Variants in SNRNP48 observed in about 807,000 individuals in gnomAD.
SNRNP48 encodes the protein U11/U12 small nuclear ribonucleoprotein 48 kDa protein.
Under a neutral mutation model 47.0 loss-of-function variants are expected in SNRNP48, and 43 were observed. The ratio of observed to expected loss-of-function variants is 0.92; its 90% confidence interval spans 0.72 to 1.18. The LOEUF (loss-of-function observed/expected upper bound fraction) is 1.18. Among genes scored for constraint, SNRNP48 ranks in the 50% most tolerant of loss-of-function variants. The pLI is 0.00. For missense variants in SNRNP48, 396 were observed against 422.2 expected (o/e 0.94, Z 0.54); for synonymous variants, 138 against 144.0 (o/e 0.96, Z 0.30).
In SNRNP48 at chr6:7,590,253, C is replaced by T. The variant is rs1209651661; in HGVS notation, c.-5C>T. On this transcript the variant is annotated 5_prime_UTR_variant, in exon 1 of 9. Coordinates refer to ENST00000342415, the MANE Select transcript of SNRNP48 (RefSeq NM_152551.4). ...CCGCTTCCTCTTGGCGGGTGGGCTG[C>T]AGCTATGGAGGGCGAGCCTCCACCT... 12 of 1,313,760 alleles carry T rather than the reference C, an allele frequency of 9.1e-6. 1 individual carries two copies. Among genetic ancestry groups the T allele is most frequent in the South Asian group, 5.2e-5 (2 of 38,358 alleles). 81.4% of individuals were successfully genotyped at this position (1,313,760 alleles called of 1,614,324 possible). A position where few individuals can be genotyped will look rare whatever the true frequency, so the allele number is the denominator to read the frequency against.
At chr6:7,606,342 T>A in intron 8 of SNRNP48, 147 bp downstream of exon 8, 2 of 794,170 alleles carry the variant, frequency 2.5e-6, no homozygotes, top group Non-Finnish European at 3.9e-6. Flanking sequence ...ATTCTTAACA[T>A]TCATTATAGT....
intron 8 of SNRNP48, among the ~76,000 whole-genome samples, chr6:7,608,246 G>A (rs183575270): frequency 6.6e-6 from 1 of 151,994 alleles, no homozygotes; most frequent in Admixed American, 6.5e-5. Context: ...GAGTATGTAT[G>A]AAAAATGCAT....
At chr6:7,600,128 CT>C (rs1276864836) in intron 4 of SNRNP48, 1 of 992,746 alleles carries the variant, frequency 1.0e-6, no homozygotes, top group Non-Finnish European at 1.2e-6. Context: ...AAAGGGAACC[CT>C]TTTTTCCCCA....
At position 7,611,925 on chromosome 6, in the gene SNRNP48, T is replaced by C. The variant is rs1760244901; in HGVS notation, c.*3052T>C. The C allele has an allele frequency of 6.6e-6, 1 of 152,234 alleles. No homozygotes were observed. Among genetic ancestry groups the C allele is most frequent in the African/African-American group, 2.4e-5 (1 of 41,466 alleles). The allele number at this position is 152,234 out of a possible 1,614,324, so 9.4% of individuals were successfully genotyped here. ...CTTTTTCATTTGCTATAATTGATCCTGCAGGTGTGTGAATTATTAAACTAA... is the reference window on the plus strand; with the variant it reads ...CTTTTTCATTTGCTATAATTGATCCCGCAGGTGTGTGAATTATTAAACTAA... On this transcript the variant is annotated 3_prime_UTR_variant, in exon 9 of 9. Coordinates refer to ENST00000342415, the MANE Select transcript of SNRNP48 (RefSeq NM_152551.4).
Position 7,610,961 on chromosome 6 carries a change from G to A in SNRNP48, c.*2088G>A, listed in dbSNP as rs1363852274. The A allele has an allele frequency of 6.6e-6, 1 of 152,206 alleles. No homozygotes were observed. Among genetic ancestry groups the A allele is most frequent in the Non-Finnish European group, 1.5e-5 (1 of 68,048 alleles). 9.4% of individuals were successfully genotyped at this position (152,206 alleles called of 1,614,324 possible). A position where few individuals can be genotyped will look rare whatever the true frequency, so the allele number is the denominator to read the frequency against. ...AAATTTTGACAAAAGCATTTTCACAGCCCTGCCACATAAGATCTAGTTTTT... is the reference window on the plus strand; with the variant it reads ...AAATTTTGACAAAAGCATTTTCACAACCCTGCCACATAAGATCTAGTTTTT... On this transcript the variant is annotated 3_prime_UTR_variant, in exon 9 of 9. Coordinates refer to ENST00000342415, the MANE Select transcript of SNRNP48 (RefSeq NM_152551.4).
At chr6:7,599,225 A>G (rs1218471641) in intron 4 of SNRNP48, among the ~76,000 whole-genome samples, 3 of 152,180 alleles carry the variant, frequency 2.0e-5, no homozygotes, top group South Asian at 2.1e-4. Context: ...GTACTATTTA[A>G]TGTTGAATGT....
At chr6:7,602,586 T>G (rs1380144366) in intron 5 of SNRNP48, 37 bp from the exon 6 acceptor site, 1 of 1,460,098 alleles carries the variant, frequency 6.8e-7, no homozygotes, top group African/African-American at 1.5e-5. Flanking sequence ...TTAAAAGCTT[T>G]GAAGGATATA....
chr6:7,606,248 G>A (rs758650718), intron 8 of SNRNP48, 53 bp downstream of exon 8: 3 of 1,505,720 alleles, frequency 2.0e-6, no homozygotes, highest in Non-Finnish European at 2.7e-6. Flanking sequence ...TTTAAAAATA[G>A]AACAGGTTCT....
Position 7,608,931 on chromosome 6 carries a change from A to T in SNRNP48, c.*58A>T. 1.0e-6 allele frequency: 1 copy of T among 972,404 alleles called. No individual in the cohort carries two copies. 60.2% of individuals were successfully genotyped at this position (972,404 alleles called of 1,614,324 possible). A position where few individuals can be genotyped will look rare whatever the true frequency, so the allele number is the denominator to read the frequency against. ...ACGCCATGATAACCAATATACAGAT[A>T]TATTAATTGGAATTCCTTTGCATAG... On this transcript the variant is annotated 3_prime_UTR_variant, in exon 9 of 9. Transcript: ENST00000342415.
In SNRNP48 at chr6:7,590,253, C is replaced by G; in HGVS notation, c.-5C>G. 7.6e-7 allele frequency: 1 copy of G among 1,313,878 alleles called. No individual in the cohort carries two copies. The highest frequency in any genetic ancestry group is 9.8e-7 in the Non-Finnish European group (1 of 1,023,412). The allele number at this position is 1,313,878 out of a possible 1,614,324, so 81.4% of individuals were successfully genotyped here. A position where few individuals can be genotyped will look rare whatever the true frequency, so the allele number is the denominator to read the frequency against. ...CCGCTTCCTCTTGGCGGGTGGGCTG[C>G]AGCTATGGAGGGCGAGCCTCCACCT... On this transcript the variant is annotated 5_prime_UTR_variant, in exon 1 of 9. Coordinates refer to ENST00000342415, the MANE Select transcript of SNRNP48 (RefSeq NM_152551.4).
At chr6:7,591,601 C>T (rs935934953) in intron 1 of SNRNP48, among the ~76,000 whole-genome samples, 6 of 152,208 alleles carry the variant, frequency 3.9e-5, no homozygotes, top group African/African-American at 1.2e-4. Flanking sequence ...GGGAATTCCA[C>T]TGAGTGGGGC....
At chr6:7,601,216 T>C in intron 4 of SNRNP48, 120 bp from the exon 5 acceptor site, 1 of 689,030 alleles carries the variant, frequency 1.5e-6, no homozygotes, top group Non-Finnish European at 2.3e-6. Context: ...ACTTAGGGAT[T>C]ATGAAAAAAG....
intron 4 of SNRNP48, among the ~76,000 whole-genome samples, chr6:7,597,757 TTGAA>T (rs1414150136): frequency 6.6e-6 from 1 of 152,190 alleles, no homozygotes; most frequent in African/African-American, 2.4e-5. Flanking sequence ...AAGAATTACT[TTGAA>T]TGAATAGTTA....
rs950738102 is a variant in SNRNP48 at position 7,609,720 on chromosome 6, A to G, written c.*847A>G. On this transcript the variant is annotated 3_prime_UTR_variant, in exon 9 of 9. Transcript: ENST00000342415. ...AAAATAAGGTCTTAATGTTTCATTTAATTTAAAATATACTGTCATGTTGTG... is the reference window on the plus strand; with the variant it reads ...AAAATAAGGTCTTAATGTTTCATTTGATTTAAAATATACTGTCATGTTGTG... The G allele has an allele frequency of 7.2e-5, 11 of 152,154 alleles. No homozygotes were observed. The highest frequency in any genetic ancestry group is 2.7e-4 in the African/African-American group (11 of 41,414). 9.4% of individuals were successfully genotyped at this position (152,154 alleles called of 1,614,324 possible). A position where few individuals can be genotyped will look rare whatever the true frequency, so the allele number is the denominator to read the frequency against.
chr6:7,600,009 C>T, intron 4 of SNRNP48: 1 of 1,002,222 alleles, frequency 1.0e-6, no homozygotes, highest in Non-Finnish European at 1.2e-6. Context: ...CTGTGTTTTC[C>T]TCCCAAATTT....
chr6:7,603,221 CAGAA>C (rs1364313248), intron 6 of SNRNP48, among the ~76,000 whole-genome samples: 1 of 151,978 alleles, frequency 6.6e-6, no homozygotes. Flanking sequence ...TCTTTTTTGG[CAGAA>C]AGCATGTTTT....
Position 7,601,354 on chromosome 6 carries a change from C to T in SNRNP48, c.425C>T (p.Pro142Leu), listed in dbSNP as rs771434804. The T allele has an allele frequency of 3.2e-6, 5 of 1,571,696 alleles. No individual in the cohort carries two copies. In the African/African-American group the frequency reaches 5.6e-5, roughly 17 times the overall value. Residue 142 changes from proline (P) to leucine (L), a missense_variant, in exon 5 of 9, where the codon CCT (proline) becomes CTT (leucine). Physicochemically the swap from Pro to Leu is moderately conservative, Grantham distance 98. Transcript: ENST00000342415. The part of the protein sequence containing the change: ...CYNQRIYSSL[P>L]VEVPLNHKRF... ...ACTTTAGGAATTTATTCTTCATTGC[C>T]TGTTGAAGTTCCTTTGAATCACAAA...
chr6:7,603,104 A>T (rs992876959), intron 6 of SNRNP48, among the ~76,000 whole-genome samples: 3 of 152,162 alleles, frequency 2.0e-5, no homozygotes, highest in African/African-American at 7.2e-5. Flanking sequence ...TTTAGATTGA[A>T]TGTTTTCTTT....
Position 7,590,236 on chromosome 6 carries a change from T to A in SNRNP48, c.-22T>A, listed in dbSNP as rs1263387097. 2 of 1,298,234 alleles carry A rather than the reference T, an allele frequency of 1.5e-6. No individual in the cohort carries two copies. The highest frequency in any genetic ancestry group is 2.0e-6 in the Non-Finnish European group (2 of 1,015,482). 80.4% of individuals were successfully genotyped at this position (1,298,234 alleles called of 1,614,324 possible). ...TGCGGTCTGCAGTTCGGCCGCTTCCTCTTGGCGGGTGGGCTGCAGCTATGG... is the reference window on the plus strand; with the variant it reads ...TGCGGTCTGCAGTTCGGCCGCTTCCACTTGGCGGGTGGGCTGCAGCTATGG... On this transcript the variant is annotated 5_prime_UTR_variant, in exon 1 of 9. Coordinates refer to ENST00000342415, the MANE Select transcript of SNRNP48 (RefSeq NM_152551.4).
Sources: gnomAD v4.1 joint callset for allele counts (sites outside exome capture counted in the v4.1 genomes callset) on GRCh38, gnomAD v4.1.1 for gene constraint, MANE v1.5 for transcripts, NCBI Gene and HGNC (gene_info 2026-07-23, HGNC 2026-07-21) for gene names.